Variants in SLC7A11 observed in about 807,000 individuals in gnomAD.
SLC7A11 encodes solute carrier family 7 member 11.
Under a neutral mutation model 54.5 loss-of-function variants are expected in SLC7A11, and 35 were observed. The ratio of observed to expected loss-of-function variants is 0.64; its 90% CI spans 0.49 to 0.85. SLC7A11 has a LOEUF of 0.85. SLC7A11 is among the 40% of genes least tolerant of loss of function. The pLI is 0.00. For synonymous variants in SLC7A11, 230 were observed against 225.2 expected (o/e 1.02, Z -0.19); for missense variants, 583 against 618.1 (o/e 0.94, Z 0.60).
At chr4:138,210,562 A>G (rs887943414) in intron 6 of SLC7A11, among the ~76,000 whole-genome samples, 6 of 152,076 alleles carry the variant, frequency 3.9e-5, no homozygotes, top group African/African-American at 1.4e-4. Context: ...AAACCAAATA[A>G]TCCTATTAAA....
At position 138,169,463 on chromosome 4, in the gene SLC7A11, A is replaced by G. The variant is rs548127597; in HGVS notation, c.*2493T>C. 1 of 152,254 alleles carries G rather than the reference A, an allele frequency of 6.6e-6. No homozygotes were observed. Among genetic ancestry groups the G allele is most frequent in the South Asian group, 2.1e-4 (1 of 4,816 alleles). 9.4% of individuals were successfully genotyped at this position (152,254 alleles called of 1,614,324 possible). ...GGCATTACAATGGCAGGGAAATTTA[A>G]TAATGCAAAAATCACTTTTGAAAAT... On this transcript the variant is annotated 3_prime_UTR_variant, in exon 12 of 12. Transcript: ENST00000280612.
At chr4:138,237,621 C>CTCCA (rs1738243920) in intron 1 of SLC7A11, among the ~76,000 whole-genome samples, 1 of 140,988 alleles carries the variant, frequency 7.1e-6, no homozygotes, top group African/African-American at 2.7e-5. Flanking sequence ...TGGTCTTGAA[C>CTCCA]TCCAGACCTC....
At chr4:138,185,064 A>G in intron 7 of SLC7A11, 57 bp downstream of exon 7, 1 of 1,594,288 alleles carries the variant, frequency 6.3e-7, no homozygotes, top group Non-Finnish European at 8.6e-7. Context: ...ACTACTATAA[A>G]ATTGCATCAG....
chr4:138,232,205 C>A, intron 3 of SLC7A11, 62 bp downstream of exon 3: 2 of 1,132,036 alleles, frequency 1.8e-6, no homozygotes, highest in Non-Finnish European at 2.7e-6. Flanking sequence ...TCTAAAGACA[C>A]TTTGTCTTCA....
intron 10 of SLC7A11, among the ~76,000 whole-genome samples, chr4:138,179,803 T>A (rs1459418041): frequency 6.6e-6 from 1 of 152,130 alleles, no homozygotes; most frequent in African/African-American, 2.4e-5. Flanking sequence ...GGCTGCTTGT[T>A]ACATGTTAAA....
Position 138,169,816 on chromosome 4 carries a change from A to G in SLC7A11, c.*2140T>C, listed in dbSNP as rs191711300. 12 of 152,244 alleles carry G rather than the reference A, an allele frequency of 7.9e-5. No individual in the cohort carries two copies. The highest frequency in any genetic ancestry group is 2.4e-4 in the African/African-American group (10 of 41,564). 9.4% of individuals were successfully genotyped at this position (152,244 alleles called of 1,614,324 possible). A position where few individuals can be genotyped will look rare whatever the true frequency, so the allele number is the denominator to read the frequency against. On this transcript the variant is annotated 3_prime_UTR_variant, in exon 12 of 12. Coordinates refer to ENST00000280612, the MANE Select transcript of SLC7A11 (RefSeq NM_014331.4). ...GACAAATGAACAATATTTACTGGAA[A>G]TAGGAATTATAAATCAAATTTTGAA...
chr4:138,237,737 ATTTTTTTTTTTTTTTTTTTTT>A (rs1169641615), intron 1 of SLC7A11, among the ~76,000 whole-genome samples: 49 of 9,814 alleles, frequency 5.0e-3, no homozygotes, highest in African/African-American at 0.018. Context: ...ATATATATAT[ATTTTTTTTTTTTTTTTTTTTT>A]TTTTTTTTTT....
chr4:138,219,403 GA>G (rs775570681), intron 4 of SLC7A11, 38 bp from the exon 5 acceptor site: 1 of 1,247,142 alleles, frequency 8.0e-7, no homozygotes, highest in Admixed American at 1.7e-5. Context: ...ATTTTTCAAA[GA>G]ATTGGTTCTT....
chr4:138,188,326 G>A (rs1314214719), intron 6 of SLC7A11, among the ~76,000 whole-genome samples: 1 of 152,140 alleles, frequency 6.6e-6, no homozygotes, highest in Non-Finnish European at 1.5e-5. Context: ...GCCTACCAAA[G>A]TGATGGGATT....
intron 7 of SLC7A11, 60 bp downstream of exon 7, chr4:138,185,061 T>TA: frequency 6.3e-7 from 1 of 1,588,344 alleles, no homozygotes; most frequent in Non-Finnish European, 8.6e-7. Flanking sequence ...GGAACTACTA[T>TA]AAAATTGCAT....
At position 138,232,394 on chromosome 4, in the gene SLC7A11, T is replaced by G; in HGVS notation, c.405-12A>C. On this transcript the variant is annotated splice_polypyrimidine_tract_variant and intron_variant, in intron 2 of 11. Transcript: ENST00000280612. ...CAGTAGCTGCAGGGCTAAAAAAAAA[T>G]GTATATATTTAGGTTAACCACAGGG... The G allele has an allele frequency of 6.8e-7, 1 of 1,475,242 alleles. No homozygotes were observed. Among genetic ancestry groups the G allele is most frequent in the Middle Eastern group, 1.7e-4 (1 of 5,796 alleles). 91.4% of individuals were successfully genotyped at this position (1,475,242 alleles called of 1,614,324 possible).
chr4:138,169,158 T>G lies in SLC7A11; in HGVS notation c.*2798A>C, dbSNP rs754227615. 11 of 152,118 alleles carry G rather than the reference T, an allele frequency of 7.2e-5. No homozygotes were observed. Among genetic ancestry groups the G allele is most frequent in the Non-Finnish European group, 1.3e-4 (9 of 67,996 alleles). 9.4% of individuals were successfully genotyped at this position (152,118 alleles called of 1,614,324 possible). A position where few individuals can be genotyped will look rare whatever the true frequency, so the allele number is the denominator to read the frequency against. ...TGGTACAAAGTACAAGTACAGAACA[T>G]GTAGTAAGTAGTATGTGCATGTATG... is the stretch of plus-strand genomic sequence containing the variant. On this transcript the variant is annotated 3_prime_UTR_variant, in exon 12 of 12. Coordinates refer to ENST00000280612, the MANE Select transcript of SLC7A11 (RefSeq NM_014331.4).
chr4:138,237,139 C>T (rs1464718357), intron 1 of SLC7A11, among the ~76,000 whole-genome samples: 1 of 151,668 alleles, frequency 6.6e-6, no homozygotes, highest in Non-Finnish European at 1.5e-5. Context: ...GCGCCCGCCA[C>T]CACGCCTGGC....
chr4:138,189,690 AC>A (rs1242661686), intron 6 of SLC7A11, among the ~76,000 whole-genome samples: 1 of 152,188 alleles, frequency 6.6e-6, no homozygotes, highest in Non-Finnish European at 1.5e-5. Context: ...AGTAGAAAAA[AC>A]ATTCACACCA....
intron 3 of SLC7A11, among the ~76,000 whole-genome samples, chr4:138,231,522 A>G (rs1738079249): frequency 6.6e-6 from 1 of 152,176 alleles, no homozygotes; most frequent in African/African-American, 2.4e-5. Flanking sequence ...AAATGTGATC[A>G]TATTGATTCT....
intron 4 of SLC7A11, among the ~76,000 whole-genome samples, chr4:138,222,298 C>T (rs568296279): frequency 5.8e-4 from 89 of 152,328 alleles, no homozygotes; most frequent in African/African-American, 2.0e-3. Flanking sequence ...CAAACGCTGG[C>T]ATTTCCTTTT....
intron 6 of SLC7A11, among the ~76,000 whole-genome samples, chr4:138,186,662 G>T (rs573050740): frequency 1.3e-5 from 2 of 152,260 alleles, no homozygotes; most frequent in East Asian, 3.9e-4. Context: ...ACTGCTAGTT[G>T]TGGTTGATAA....
chr4:138,227,921 C>T (rs1737981947), intron 3 of SLC7A11, among the ~76,000 whole-genome samples: 1 of 152,088 alleles, frequency 6.6e-6, no homozygotes, highest in South Asian at 2.1e-4. Context: ...GGTTGTGTTG[C>T]TAAGTTACTT....
At chr4:138,173,343 A>G (rs1233895618) in intron 11 of SLC7A11, among the ~76,000 whole-genome samples, 1 of 151,752 alleles carries the variant, frequency 6.6e-6, no homozygotes, top group Non-Finnish European at 1.5e-5. Flanking sequence ...TTTAAAAGGT[A>G]TTTTTTTCAG....
Sources: gnomAD v4.1 joint callset for allele counts (sites outside exome capture counted in the v4.1 genomes callset) on GRCh38, gnomAD v4.1.1 for gene constraint, MANE v1.5 for transcripts, NCBI Gene and HGNC (gene_info 2026-07-23, HGNC 2026-07-21) for gene names.